The following NDUFAF6 variants were observed in gnomAD, a reference collection of about 807,000 sequenced individuals.
The protein encoded by NDUFAF6 is NADH:ubiquinone oxidoreductase complex assembly factor 6.
A neutral mutation model predicts 40.8 loss-of-function variants in NDUFAF6; 45 were observed. That is an observed-to-expected ratio of 1.10 (90% confidence interval 0.87 to 1.42). NDUFAF6 has a LOEUF of 1.42. Among genes scored for constraint, NDUFAF6 ranks in the 40% most tolerant of loss-of-function variants. The pLI is 0.00. For missense variants in NDUFAF6, 435 were observed against 418.5 expected (o/e 1.04, Z -0.34); for synonymous variants, 185 against 155.9 (o/e 1.19, Z -1.39).
At chr8:94,925,024 C>T (rs1319066421) in intron 1 of NDUFAF6, among the ~76,000 whole-genome samples, 1 of 152,196 alleles carries the variant, frequency 6.6e-6, no homozygotes, top group Non-Finnish European at 1.5e-5. Context: ...ATTACAGGCA[C>T]GAGCCATCAT....
intron 2 of NDUFAF6, among the ~76,000 whole-genome samples, chr8:94,946,512 G>A (rs1822003290): frequency 6.6e-6 from 1 of 151,456 alleles, no homozygotes; most frequent in Admixed American, 6.6e-5. Flanking sequence ...ACCAGCCTGG[G>A]CAACAAAGCA....
chr8:94,903,441 C>G (rs1818159345), intron 1 of NDUFAF6, among the ~76,000 whole-genome samples: 3 of 152,146 alleles, frequency 2.0e-5, no homozygotes, highest in African/African-American at 7.2e-5. Context: ...GGATAAATCT[C>G]AGAAACAATG....
chr8:95,002,399 CA>C (rs1826777359), intron 2 of NDUFAF6, among the ~76,000 whole-genome samples: 1 of 152,166 alleles, frequency 6.6e-6, no homozygotes, highest in Non-Finnish European at 1.5e-5. Flanking sequence ...CCCCTCTGTG[CA>C]AAAACTAACA....
chr8:95,082,884 T>A (rs1808921111), intron 2 of NDUFAF6, among the ~76,000 whole-genome samples: 2 of 152,138 alleles, frequency 1.3e-5, no homozygotes, highest in South Asian at 4.1e-4. Flanking sequence ...ATGGTTTCGA[T>A]CTCCTGACCT....
chr8:95,016,690 T>C (rs986901967), intron 2 of NDUFAF6, among the ~76,000 whole-genome samples: 6 of 152,118 alleles, frequency 3.9e-5, no homozygotes, highest in African/African-American at 1.4e-4. Flanking sequence ...TGCAGTGAGC[T>C]GAGATTGCGC....
chr8:94,973,686 C>T (rs147867168), intron 1 of NDUFAF6, among the ~76,000 whole-genome samples: 20,409 of 144,288 alleles, frequency 0.14, 1,623 homozygotes, highest in Middle Eastern at 0.23. Flanking sequence ...CCAGCCTGGG[C>T]GACAAGAGTG....
chr8:94,961,756 A>G (rs1823594606), intron 1 of NDUFAF6, among the ~76,000 whole-genome samples: 1 of 152,220 alleles, frequency 6.6e-6, no homozygotes, highest in South Asian at 2.1e-4. Flanking sequence ...TTTTATAGAC[A>G]GAAAACTAAG....
intron 2 of NDUFAF6, among the ~76,000 whole-genome samples, chr8:95,090,431 C>T (rs11781447): frequency 0.14 from 21,875 of 152,208 alleles, 1,854 homozygotes; most frequent in Non-Finnish European, 0.2. Context: ...TATCTCATGT[C>T]TTTCCTTGTC....
Position 94,919,573 on chromosome 8 carries a change from G to A in NDUFAF6, c.-936+23646G>A, listed in dbSNP as rs536926705. ...TTCAGAGCTACCAGGAATACATAGC[G>A]TTGAATCTGCCCACTTGTTTTGGCT... On this transcript the variant is annotated intron_variant, in intron 1 of 14. Coordinates refer to the NDUFAF6 transcript ENST00000396113. Among the ~76,000 whole-genome samples, 4 of 152,200 alleles carry A rather than the reference G, an allele frequency of 2.6e-5. No individual in the cohort carries two copies. In the East Asian group the frequency reaches 5.8e-4, roughly 22 times the overall value.
intron 3 of NDUFAF6, chr8:95,036,466 G>T: frequency 7.8e-7 from 1 of 1,289,378 alleles, no homozygotes; most frequent in Non-Finnish European, 1.0e-6. Flanking sequence ...CCCAACTGGG[G>T]ATTGAGAAGA....
At chr8:95,117,215 G>A (rs1156279263), downstream of NDUFAF6, among the ~76,000 whole-genome samples, 4 of 152,286 alleles carry the variant, frequency 2.6e-5, no homozygotes, top group South Asian at 2.1e-4. Context: ...AGGAAAATTA[G>A]GGTGTTGTTT....
intron 2 of NDUFAF6, among the ~76,000 whole-genome samples, chr8:95,083,387 C>T (rs1320508642): frequency 1.3e-5 from 2 of 152,088 alleles, no homozygotes; most frequent in African/African-American, 4.8e-5. Context: ...GTATCAGGAC[C>T]GCATCTGTTT....
intron 4 of NDUFAF6, among the ~76,000 whole-genome samples, chr8:95,042,705 A>G (rs1830280319): frequency 6.6e-6 from 1 of 152,238 alleles, no homozygotes; most frequent in East Asian, 1.9e-4. Flanking sequence ...AAGAAGAACA[A>G]AGTTAGAGGG....
chr8:94,981,401 G>A (rs922265335), intron 2 of NDUFAF6, among the ~76,000 whole-genome samples: 1 of 152,148 alleles, frequency 6.6e-6, no homozygotes, highest in Non-Finnish European at 1.5e-5. Flanking sequence ...CCAGTCTTAG[G>A]TATATTGTTA....
intron 1 of NDUFAF6, among the ~76,000 whole-genome samples, chr8:94,979,094 G>C (rs987696146): frequency 6.6e-6 from 1 of 152,242 alleles, no homozygotes; most frequent in Admixed American, 6.5e-5. Context: ...GCTCCCAGGT[G>C]ATTTTAGCAT....
downstream of NDUFAF6, among the ~76,000 whole-genome samples, chr8:95,105,064 C>CAGAG (rs1809785771): frequency 4.7e-5 from 5 of 105,810 alleles, no homozygotes; most frequent in Admixed American, 9.5e-5. Flanking sequence ...CACACACACA[C>CAGAG]ACAGAGAGAG....
intron 6 of NDUFAF6, 52 bp from the exon 7 acceptor site, chr8:95,048,405 T>G: frequency 2.3e-6 from 3 of 1,284,492 alleles, no homozygotes; most frequent in Non-Finnish European, 3.4e-6. Context: ...AGGTGAACTG[T>G]TGGAAGGAAG....
intron 4 of NDUFAF6, among the ~76,000 whole-genome samples, chr8:95,112,167 C>T (rs928890413): frequency 6.6e-6 from 1 of 152,220 alleles, no homozygotes; most frequent in Non-Finnish European, 1.5e-5. Flanking sequence ...ACTAAGAGTG[C>T]AAAGGCCTCT....
chr8:95,035,392 A>C, intron 2 of NDUFAF6, 62 bp from the exon 3 acceptor site: 1 of 1,578,908 alleles, frequency 6.3e-7, no homozygotes, highest in Non-Finnish European at 8.7e-7. Flanking sequence ...ATTCCCTCAA[A>C]GATACTGATT....
Sources: gnomAD v4.1 joint callset for allele counts (sites outside exome capture counted in the v4.1 genomes callset) on GRCh38, gnomAD v4.1.1 for gene constraint, MANE v1.5 for transcripts, NCBI Gene and HGNC (gene_info 2026-07-23, HGNC 2026-07-21) for gene names.